Variants in INPP4B observed in about 807,000 individuals in gnomAD.
The protein encoded by INPP4B is inositol polyphosphate-4-phosphatase type II B.
Under a neutral mutation model 122.5 loss-of-function variants are expected in INPP4B, and 55 were observed. The ratio of observed to expected loss-of-function variants is 0.45; its 90% CI spans 0.36 to 0.56. The LOEUF (loss-of-function observed/expected upper bound fraction) is 0.56. Among genes scored for constraint, INPP4B ranks in the 20% least tolerant of loss-of-function variants. The pLI is 0.00. For synonymous variants in INPP4B, 403 were observed against 388.7 expected (o/e 1.04, Z -0.43); for missense variants, 1,000 against 1,097.7 (o/e 0.91, Z 1.26).
chr4:142,270,837 A>C (rs923609494), intron 9 of INPP4B, 63 bp from the exon 10 acceptor site: 2 of 1,080,054 alleles, frequency 1.9e-6, no homozygotes, highest in Non-Finnish European at 2.9e-6. Flanking sequence ...AAAATATCCA[A>C]AACACATTTG....
chr4:142,558,365 A>G (rs1560798171), intron 2 of INPP4B, among the ~76,000 whole-genome samples: 1 of 152,102 alleles, frequency 6.6e-6, no homozygotes, highest in African/African-American at 2.4e-5. Context: ...TTGACTTCCA[A>G]ATTTAATCAT....
chr4:142,358,107 A>G (rs1350211385), intron 7 of INPP4B, among the ~76,000 whole-genome samples: 1 of 152,036 alleles, frequency 6.6e-6, no homozygotes, highest in Non-Finnish European at 1.5e-5. Flanking sequence ...TAACAGTGTG[A>G]ACATACAATT....
intron 25 of INPP4B, among the ~76,000 whole-genome samples, chr4:142,072,568 A>G (rs1394778297): frequency 6.6e-6 from 1 of 151,266 alleles, no homozygotes; most frequent in Non-Finnish European, 1.5e-5. Flanking sequence ...CCTTTCCTCA[A>G]TATAGTTTGA....
At chr4:142,455,816 T>C (rs1161523015) in intron 3 of INPP4B, among the ~76,000 whole-genome samples, 1 of 152,108 alleles carries the variant, frequency 6.6e-6, no homozygotes, top group Non-Finnish European at 1.5e-5. Flanking sequence ...CCAGCATTTG[T>C]TATTTCCTGT....
At chr4:142,529,433 T>C (rs1191186862) in intron 2 of INPP4B, among the ~76,000 whole-genome samples, 1 of 152,076 alleles carries the variant, frequency 6.6e-6, no homozygotes, top group East Asian at 1.9e-4. Flanking sequence ...AATTCAGGTA[T>C]CTTCTATTAA....
rs572092121 is a variant in INPP4B, at chr4:142,152,066, C to CTTTTTTTTTTTTTTTTTTTTTT, written c.1564-6092_1564-6071dup. Among the ~76,000 whole-genome samples, 20 of 69,954 alleles carry CTTTTTTTTTTTTTTTTTTTTTT rather than the reference C, an allele frequency of 2.9e-4. 4 individuals carry two copies. Among genetic ancestry groups the CTTTTTTTTTTTTTTTTTTTTTT allele is most frequent in the African/African-American group, 1.1e-3 (20 of 18,004 alleles). 45.9% of individuals were successfully genotyped at this position (69,954 alleles called of 152,430 possible). ...TGCCTAACATGCTTTTTTGTCTTTT[C>CTTTTTTTTTTTTTTTTTTTTTT]TTTTTTTTTTTTTTTTTTTTTTTTT... is the stretch of plus-strand genomic sequence containing the variant. On this transcript the variant is annotated intron_variant, in intron 17 of 25. Transcript: ENST00000262992.
chr4:142,082,028 T>C lies in INPP4B; in HGVS notation c.2642+3A>G, dbSNP rs760761630. The C allele has an allele frequency of 2.1e-6, 3 of 1,432,636 alleles. No homozygotes were observed. The highest frequency in any genetic ancestry group is 2.8e-6 in the Non-Finnish European group (3 of 1,073,280). 88.7% of individuals were successfully genotyped at this position (1,432,636 alleles called of 1,614,324 possible). ...AAAAAAACTTGAAAAACATGTGAGA[T>C]ACCTTCTCATGCAATCCAGCGCTCG... On this transcript the variant is annotated splice_donor_region_variant and intron_variant, in intron 25 of 25. Coordinates refer to ENST00000262992, the MANE Select transcript of INPP4B (RefSeq NM_001101669.3).
intron 7 of INPP4B, among the ~76,000 whole-genome samples, chr4:142,381,643 C>T (rs1326484316): frequency 6.6e-6 from 1 of 152,094 alleles, no homozygotes; most frequent in African/African-American, 2.4e-5. Context: ...TACAAATAGT[C>T]TTTCAGATTA....
intron 15 of INPP4B, among the ~76,000 whole-genome samples, chr4:142,178,591 A>G (rs553237028): frequency 6.6e-6 from 1 of 152,214 alleles, no homozygotes; most frequent in East Asian, 1.9e-4. Flanking sequence ...CAACCAAGCT[A>G]CTATTTTATG....
chr4:142,642,691 T>C (rs1432784825), intron 2 of INPP4B, among the ~76,000 whole-genome samples: 3 of 152,310 alleles, frequency 2.0e-5, no homozygotes, highest in East Asian at 3.9e-4. Context: ...TAGTTTGAAG[T>C]CAGGTAGCGT....
intron 2 of INPP4B, among the ~76,000 whole-genome samples, chr4:142,718,463 G>A (rs941923625): frequency 6.6e-5 from 10 of 152,254 alleles, no homozygotes; most frequent in Non-Finnish European, 4.4e-5. Flanking sequence ...GCCCCTTCTA[G>A]AGAGTTAAGT....
chr4:142,188,189 T>A (rs1188315813), intron 15 of INPP4B, among the ~76,000 whole-genome samples: 2 of 151,932 alleles, frequency 1.3e-5, no homozygotes, highest in Non-Finnish European at 2.9e-5. Context: ...TATTTCTACT[T>A]AAAATATATA....
At chr4:142,145,783 A>T in intron 18 of INPP4B, 57 bp downstream of exon 18, 3 of 1,530,616 alleles carry the variant, frequency 2.0e-6, no homozygotes, top group Admixed American at 3.7e-5. Context: ...TTTTTTTTTC[A>T]CGAGTTTCTC....
chr4:142,069,065 T>G (rs1441614369), intron 25 of INPP4B, among the ~76,000 whole-genome samples: 2 of 152,204 alleles, frequency 1.3e-5, no homozygotes, highest in Non-Finnish European at 2.9e-5. Flanking sequence ...ATTCCAAAAT[T>G]GACCACAGAG....
At chr4:142,459,875 TTAAATC>T (rs1657410979) in intron 3 of INPP4B, among the ~76,000 whole-genome samples, 1 of 152,166 alleles carries the variant, frequency 6.6e-6, no homozygotes, top group Non-Finnish European at 1.5e-5. Flanking sequence ...TAATTGGAGT[TTAAATC>T]TGGATAGCAG....
At chr4:142,646,671 T>C (rs909908169) in intron 2 of INPP4B, among the ~76,000 whole-genome samples, 2 of 152,140 alleles carry the variant, frequency 1.3e-5, no homozygotes, top group Non-Finnish European at 2.9e-5. Flanking sequence ...ATGCAGAACA[T>C]GACAGGTTCA....
chr4:142,586,185 A>G (rs1580433408), intron 2 of INPP4B, among the ~76,000 whole-genome samples: 1 of 151,840 alleles, frequency 6.6e-6, no homozygotes, highest in South Asian at 2.1e-4. Context: ...TGGCTTCCGG[A>G]CCTGTGGTCC....
At chr4:142,616,479 G>T (rs539020460) in intron 2 of INPP4B, among the ~76,000 whole-genome samples, 2 of 152,216 alleles carry the variant, frequency 1.3e-5, no homozygotes, top group Non-Finnish European at 2.9e-5. Flanking sequence ...CATGTTCTGA[G>T]ACCTCTCAAT....
intron 1 of INPP4B, among the ~76,000 whole-genome samples, chr4:142,793,080 G>A (rs566280689): frequency 4.6e-5 from 7 of 152,028 alleles, no homozygotes; most frequent in East Asian, 1.9e-4. Context: ...AATGACAAAA[G>A]TGCTACAGAA....
Sources: gnomAD v4.1 joint callset for allele counts (sites outside exome capture counted in the v4.1 genomes callset) on GRCh38, gnomAD v4.1.1 for gene constraint, MANE v1.5 for transcripts, NCBI Gene and HGNC (gene_info 2026-07-23, HGNC 2026-07-21) for gene names.